ZNF469: variants seen among roughly 807,000 people sequenced by gnomAD.
The protein encoded by ZNF469 is zinc finger protein 469.
A neutral mutation model predicts 1.0 loss-of-function variants in ZNF469; 1 was observed. The ratio of observed to expected loss-of-function variants is 1.00; its 90% CI spans 0.35 to 4.73. ZNF469 has a LOEUF of 4.73. Ranked by LOEUF, ZNF469 falls within the 30% of genes most tolerant of loss-of-function variation. The pLI is 0.16. For missense variants in ZNF469, 6,100 were observed against 5,356.3 expected (o/e 1.14, Z -4.33); for synonymous variants, 2,703 against 2,363.4 (o/e 1.14, Z -4.17).
chr16:88,337,729 C>T, the ZNF469 span, among the ~76,000 whole-genome samples: 2,327 of 152,294 alleles, frequency 0.015, 49 homozygotes, highest in African/African-American at 0.05. Flanking sequence ...GGCAGCTCGC[C>T]GCAGCTGTGA....
the ZNF469 span, among the ~76,000 whole-genome samples, chr16:88,340,952 C>T: frequency 6.6e-6 from 1 of 152,060 alleles, no homozygotes; most frequent in Non-Finnish European, 1.5e-5. Context: ...TAGCAAGGAC[C>T]CTGCAGAGAG....
At chr16:88,143,917 C>G in the ZNF469 span, among the ~76,000 whole-genome samples, 2 of 152,182 alleles carry the variant, frequency 1.3e-5, no homozygotes. Flanking sequence ...TCGCTGCCTT[C>G]CTCTTCGCAA....
the ZNF469 span, among the ~76,000 whole-genome samples, chr16:88,235,497 G>A: frequency 1.3e-3 from 204 of 152,326 alleles, no homozygotes; most frequent in African/African-American, 4.6e-3. Context: ...CGCCAGACCA[G>A]GCTGCAAACC....
At position 88,435,306 on chromosome 16, in the gene ZNF469, C is replaced by T. The variant is rs1364592780; in HGVS notation, c.7836C>T (p.Gly2612=). 4.5e-6 allele frequency: 7 copies of T among 1,550,224 alleles called. No individual in the cohort carries two copies. The African/African-American group carries it at 6.8e-5, about 15-fold the overall frequency. The change falls in exon 3 of 3, where the codon GGC becomes GGT. Residue 2612 remains glycine, a synonymous_variant. Transcript: ENST00000565624. ...LHPKQAEKRE[G]RRWRREPTVD... is the part of the protein sequence containing the mutation. ...CCAAACAGGCAGAAAAAAGAGAAGG[C>T]CGGAGGTGGCGCCGAGAGCCCACCG...
the ZNF469 span, among the ~76,000 whole-genome samples, chr16:88,284,610 CAAAAAAAAA>C: frequency 9.1e-6 from 1 of 109,562 alleles, no homozygotes; most frequent in Non-Finnish European, 1.8e-5. Context: ...GATCCCATCT[CAAAAAAAAA>C]AAAAAAAAAA....
At chr16:88,239,696 TATATATATATATATA>T in the ZNF469 span, among the ~76,000 whole-genome samples, 3 of 6,604 alleles carry the variant, frequency 4.5e-4, no homozygotes, top group African/African-American at 2.2e-3. Flanking sequence ...TATATATATA[TATATATATATATATA>T]TATATTTTTT....
the ZNF469 span, among the ~76,000 whole-genome samples, chr16:88,240,192 C>A: frequency 3.5e-3 from 539 of 152,254 alleles, 4 homozygotes; most frequent in African/African-American, 0.012. Flanking sequence ...GGAGGTGCTC[C>A]CGGTCATTTC....
At chr16:88,130,621 A>G in the ZNF469 span, among the ~76,000 whole-genome samples, 2,930 of 146,870 alleles carry the variant, frequency 0.02, no homozygotes, top group African/African-American at 0.071. Flanking sequence ...TAGGAGAATC[A>G]CTTGGACCTG....
chr16:88,162,191 C>G, the ZNF469 span, among the ~76,000 whole-genome samples: 1 of 152,078 alleles, frequency 6.6e-6, no homozygotes, highest in Admixed American at 6.6e-5. Flanking sequence ...CCTGAGCTTC[C>G]TGGGTCTCTT....
the ZNF469 span, among the ~76,000 whole-genome samples, chr16:88,308,550 C>A: frequency 6.6e-6 from 1 of 152,216 alleles, no homozygotes; most frequent in Admixed American, 6.5e-5. Flanking sequence ...GCAGAGCACC[C>A]AGCATTGCAA....
intron 1 of ZNF469, among the ~76,000 whole-genome samples, chr16:88,416,087 C>T (rs901172144): frequency 3.3e-5 from 5 of 152,162 alleles, no homozygotes; most frequent in African/African-American, 1.2e-4. Context: ...CCCACAGCAG[C>T]GGGAGAGTAA....
chr16:88,217,131 G>A, the ZNF469 span, among the ~76,000 whole-genome samples: 3 of 149,516 alleles, frequency 2.0e-5, no homozygotes, highest in African/African-American at 2.4e-5. Context: ...CTTTGGTCAT[G>A]ACATGTGATT....
chr16:88,321,287 G>A, the ZNF469 span, among the ~76,000 whole-genome samples: 4 of 152,272 alleles, frequency 2.6e-5, no homozygotes, highest in Non-Finnish European at 5.9e-5. Context: ...TGATGCTGCA[G>A]CCTTCAGGCA....
At chr16:88,265,564 G>T in the ZNF469 span, among the ~76,000 whole-genome samples, 2 of 152,192 alleles carry the variant, frequency 1.3e-5, no homozygotes, top group Non-Finnish European at 2.9e-5. Flanking sequence ...AAAGGAGTGC[G>T]TGCAGCGTGT....
chr16:88,296,391 TAC>T, the ZNF469 span, among the ~76,000 whole-genome samples: 3 of 151,750 alleles, frequency 2.0e-5, no homozygotes, highest in African/African-American at 7.3e-5. Flanking sequence ...CAGGTGCACA[TAC>T]AGACACATAT....
chr16:88,221,056 G>A, the ZNF469 span, among the ~76,000 whole-genome samples: 1 of 152,130 alleles, frequency 6.6e-6, no homozygotes, highest in East Asian at 1.9e-4. Context: ...CGTTAATCAG[G>A]GACCCAGTTC....
chr16:88,247,494 CAG>C, the ZNF469 span, among the ~76,000 whole-genome samples: 14 of 85,832 alleles, frequency 1.6e-4, no homozygotes, highest in African/African-American at 4.6e-4. Flanking sequence ...GTGAATGAAT[CAG>C]TGAGTGAGGG....
chr16:88,301,038 C>G, the ZNF469 span, among the ~76,000 whole-genome samples: 1 of 151,946 alleles, frequency 6.6e-6, no homozygotes, highest in Non-Finnish European at 1.5e-5. Flanking sequence ...GCACTCCAGC[C>G]TGGGCAACAG....
chr16:88,283,236 G>A, the ZNF469 span, among the ~76,000 whole-genome samples: 1 of 151,874 alleles, frequency 6.6e-6, no homozygotes, highest in Admixed American at 6.6e-5. Context: ...TCAGTCACCC[G>A]AGGGAACGCC....
Sources: allele counts gnomAD v4.1 joint callset (sites outside exome capture counted in the v4.1 genomes callset), GRCh38; gene constraint gnomAD v4.1.1; transcripts MANE v1.5; gene names NCBI Gene and HGNC (gene_info 2026-07-23, HGNC 2026-07-21).